Variants in SLC14A2 observed in about 807,000 individuals in gnomAD.
The protein encoded by SLC14A2 is solute carrier family 14 member 2, also known as urea transporter 2.
In SLC14A2, 91 loss-of-function variants were observed where a neutral mutation model predicts 104.6. The observed-to-expected ratio is 0.87, with a 90% CI of 0.73 to 1.04. The LOEUF is 1.04. Among genes scored for constraint, SLC14A2 ranks in the 50% least tolerant of loss-of-function variants. The pLI, the probability that SLC14A2 is intolerant of heterozygous loss-of-function variation, is 0.00. For synonymous variants in SLC14A2, 476 were observed against 466.4 expected (o/e 1.02, Z -0.27); for missense variants, 1,189 against 1,156.0 (o/e 1.03, Z -0.41).
Position 45,542,709 on chromosome 18 carries a change from G to C in SLC14A2, c.-35+59387G>C, listed in dbSNP as rs553868831. Among the ~76,000 whole-genome samples the C allele has an allele frequency of 2.6e-5, 4 of 152,230 alleles. No individual in the cohort carries two copies. In the East Asian group the frequency reaches 7.7e-4, roughly 29 times the overall value. On this transcript the variant is annotated intron_variant, in intron 2 of 20. Transcript: ENST00000586448. ...CTTAGCTCAAATCTCTTACTTCACAGATGAAGCATCTGAAACTGGGAGAGT... is the reference window on the plus strand; with the variant it reads ...CTTAGCTCAAATCTCTTACTTCACACATGAAGCATCTGAAACTGGGAGAGT...
At chr18:45,520,984 C>T (rs1345132076) in intron 2 of SLC14A2, among the ~76,000 whole-genome samples, 1 of 152,164 alleles carries the variant, frequency 6.6e-6, no homozygotes, top group Non-Finnish European at 1.5e-5. Context: ...CTCCTCCCAC[C>T]AGGTCCTCTG....
chr18:45,253,713 C>A (rs2084446640), intron 1 of SLC14A2, among the ~76,000 whole-genome samples: 1 of 152,154 alleles, frequency 6.6e-6, no homozygotes, highest in Non-Finnish European at 1.5e-5. Context: ...GGAACTGAAC[C>A]TCTGGCTCCA....
chr18:45,498,053 G>A (rs912885910), intron 2 of SLC14A2, among the ~76,000 whole-genome samples: 1 of 152,228 alleles, frequency 6.6e-6, no homozygotes, highest in Admixed American at 6.5e-5. Context: ...TAAAATAAGA[G>A]GAAGATTCTG....
intron 1 of SLC14A2, among the ~76,000 whole-genome samples, chr18:45,302,446 T>C (rs563397055): frequency 2.8e-4 from 42 of 152,310 alleles, no homozygotes; most frequent in African/African-American, 1.0e-3. Flanking sequence ...GGAAAATAAC[T>C]TTGTCCAAAT....
intron 1 of SLC14A2, among the ~76,000 whole-genome samples, chr18:45,352,256 G>A (rs1033698108): frequency 7.2e-5 from 11 of 152,014 alleles, no homozygotes; most frequent in East Asian, 1.9e-4. Context: ...ATGGAGAAGG[G>A]GCTTCTGGAA....
chr18:45,247,299 A>G (rs1368711277), intron 1 of SLC14A2, among the ~76,000 whole-genome samples: 2 of 152,262 alleles, frequency 1.3e-5, no homozygotes, highest in South Asian at 2.1e-4. Flanking sequence ...CACATTTTCC[A>G]TAAACACATC....
intron 1 of SLC14A2, among the ~76,000 whole-genome samples, chr18:45,313,762 T>G (rs1304299956): frequency 6.6e-6 from 1 of 152,222 alleles, no homozygotes; most frequent in Non-Finnish European, 1.5e-5. Flanking sequence ...TTAATTATTA[T>G]TAGTGTTACC....
At chr18:45,592,389 A>C (rs551699800) in intron 2 of SLC14A2, among the ~76,000 whole-genome samples, 1 of 152,320 alleles carries the variant, frequency 6.6e-6, no homozygotes, top group South Asian at 2.1e-4. Flanking sequence ...ATGCATCAGG[A>C]TATCAGATGG....
At chr18:45,404,227 A>G (rs1324047391) in intron 1 of SLC14A2, among the ~76,000 whole-genome samples, 1 of 152,156 alleles carries the variant, frequency 6.6e-6, no homozygotes, top group Non-Finnish European at 1.5e-5. Flanking sequence ...TAACTCATTT[A>G]TCCTTGGGTT....
chr18:45,252,528 T>C (rs1234948544), intron 1 of SLC14A2, among the ~76,000 whole-genome samples: 3 of 152,222 alleles, frequency 2.0e-5, no homozygotes, highest in African/African-American at 7.2e-5. Flanking sequence ...TCATTTGTCC[T>C]AACAAGCAGG....
At chr18:45,527,824 A>T (rs1235143529) in intron 2 of SLC14A2, 1 of 152,156 alleles carries the variant, frequency 6.6e-6, no homozygotes, top group Non-Finnish European at 1.5e-5. Flanking sequence ...ACAGTTCATA[A>T]CTCTTGTCTA....
At chr18:45,313,857 G>T (rs528795463) in intron 1 of SLC14A2, among the ~76,000 whole-genome samples, 105 of 152,192 alleles carry the variant, frequency 6.9e-4, no homozygotes, top group Admixed American at 1.1e-3. Flanking sequence ...CCCTAGAAAA[G>T]GGCTTTCTGT....
intron 1 of SLC14A2, among the ~76,000 whole-genome samples, chr18:45,417,588 C>T (rs1160743762): frequency 6.6e-6 from 1 of 152,194 alleles, no homozygotes; most frequent in African/African-American, 2.4e-5. Flanking sequence ...AGAATAGCAG[C>T]ATGGGGGGAA....
At chr18:45,338,157 C>G (rs1262150927) in intron 1 of SLC14A2, among the ~76,000 whole-genome samples, 11 of 152,098 alleles carry the variant, frequency 7.2e-5, no homozygotes, top group African/African-American at 2.7e-4. Flanking sequence ...GTAAGCTGAC[C>G]ACTACCCCTG....
chr18:45,212,331 T>C (rs2083968427), upstream of SLC14A2, among the ~76,000 whole-genome samples: 1 of 152,220 alleles, frequency 6.6e-6, no homozygotes. Context: ...TATTATGGTT[T>C]TGAAGCTTAG....
At chr18:45,506,290 A>G (rs1295345446) in intron 2 of SLC14A2, among the ~76,000 whole-genome samples, 3 of 151,274 alleles carry the variant, frequency 2.0e-5, no homozygotes, top group Non-Finnish European at 4.4e-5. Flanking sequence ...AAACCCAACC[A>G]CCTCCACAGA....
chr18:45,345,251 T>G (rs2144292943), intron 1 of SLC14A2, among the ~76,000 whole-genome samples: 1 of 152,368 alleles, frequency 6.6e-6, no homozygotes, highest in Middle Eastern at 3.4e-3. Context: ...CTGTGTTTCT[T>G]TCTACAAAGA....
At chr18:45,190,768 G>T in the SLC14A2 span, among the ~76,000 whole-genome samples, 1 of 152,052 alleles carries the variant, frequency 6.6e-6, no homozygotes, top group Non-Finnish European at 1.5e-5. Context: ...TCATTTAATT[G>T]ATCAACCAAA....
chr18:45,509,252 G>T (rs1356760017), intron 2 of SLC14A2, among the ~76,000 whole-genome samples: 1 of 151,982 alleles, frequency 6.6e-6, no homozygotes, highest in East Asian at 1.9e-4. Flanking sequence ...AAATCTCCCT[G>T]TCTCTGCCTA....
Sources: gnomAD v4.1 joint callset for allele counts (sites outside exome capture counted in the v4.1 genomes callset) on GRCh38, gnomAD v4.1.1 for gene constraint, MANE v1.5 for transcripts, NCBI Gene and HGNC (gene_info 2026-07-23, HGNC 2026-07-21) for gene names.